Variants in CDH18 observed in about 807,000 individuals in gnomAD.
CDH18 encodes cadherin 18.
Under a neutral mutation model 67.9 loss-of-function variants are expected in CDH18, and 31 were observed. The observed-to-expected ratio is 0.46, with a 90% CI of 0.34 to 0.62. The LOEUF is 0.62. CDH18 is among the 20% of genes least tolerant of loss of function. The probability of loss-of-function intolerance (pLI) is 0.01; values close to 1 mark genes in which losing one functional copy is unlikely to be tolerated. For synonymous variants in CDH18, 362 were observed against 347.2 expected, an observed-to-expected ratio of 1.04 and a Z score of -0.48; for missense variants, 890 against 975.5, an observed-to-expected ratio of 0.91 and a Z score of 1.17.
At chr5:20,119,013 A>C (rs1402145995) in intron 2 of CDH18, among the ~76,000 whole-genome samples, 2 of 152,126 alleles carry the variant, frequency 1.3e-5, no homozygotes, top group Non-Finnish European at 2.9e-5. Flanking sequence ...GCACAATTAT[A>C]CTTTATATAT....
At chr5:20,250,874 G>A (rs936613369) in intron 2 of CDH18, among the ~76,000 whole-genome samples, 2 of 152,044 alleles carry the variant, frequency 1.3e-5, no homozygotes, top group African/African-American at 2.4e-5. Context: ...CCAAAGTGCT[G>A]GGATTACAGG....
At chr5:19,662,231 C>A (rs539306629) in intron 5 of CDH18, among the ~76,000 whole-genome samples, 2 of 151,402 alleles carry the variant, frequency 1.3e-5, no homozygotes, top group Non-Finnish European at 2.9e-5. Context: ...ATTTTACTTG[C>A]GTCCCATTTT....
At chr5:19,847,765 A>C (rs1475157157) in intron 2 of CDH18, among the ~76,000 whole-genome samples, 2 of 138,250 alleles carry the variant, frequency 1.4e-5, no homozygotes, top group East Asian at 4.4e-4. Context: ...TCCGCAGATC[A>C]CTCAAACTTT....
chr5:19,798,863 G>A (rs537614385), intron 3 of CDH18, among the ~76,000 whole-genome samples: 23 of 151,970 alleles, frequency 1.5e-4, no homozygotes, highest in Admixed American at 5.2e-4. Flanking sequence ...AAATTGGGTG[G>A]AATATTTCAT....
intron 2 of CDH18, among the ~76,000 whole-genome samples, chr5:19,969,254 A>G (rs1797785524): frequency 7.1e-6 from 1 of 141,424 alleles, no homozygotes; most frequent in Non-Finnish European, 1.5e-5. Context: ...TGGGACTGTA[A>G]ACGAGTTCAA....
intron 4 of CDH18, among the ~76,000 whole-genome samples, chr5:19,724,379 T>C (rs1408054964): frequency 6.6e-6 from 1 of 152,066 alleles, no homozygotes; most frequent in Non-Finnish European, 1.5e-5. Context: ...AGCAAGGAAG[T>C]TTGGTATAGC....
At chr5:20,015,013 A>G (rs1240266057) in intron 2 of CDH18, among the ~76,000 whole-genome samples, 1 of 152,142 alleles carries the variant, frequency 6.6e-6, no homozygotes, top group Non-Finnish European at 1.5e-5. Context: ...GATTAAATGA[A>G]AGGACATATA....
chr5:19,534,572 A>G (rs1396644372), intron 9 of CDH18, among the ~76,000 whole-genome samples: 1 of 152,180 alleles, frequency 6.6e-6, no homozygotes, highest in Non-Finnish European at 1.5e-5. Context: ...TATACACTTT[A>G]CAGATACATG....
intron 3 of CDH18, among the ~76,000 whole-genome samples, chr5:19,821,872 A>C (rs1779912727): frequency 6.6e-6 from 1 of 152,302 alleles, no homozygotes; most frequent in Middle Eastern, 3.4e-3. Flanking sequence ...TAAGCTTCAT[A>C]AGTAAAGAAG....
At chr5:19,493,537 GGTGT>G (rs67879363) in intron 11 of CDH18, among the ~76,000 whole-genome samples, 41,032 of 147,890 alleles carry the variant, frequency 0.28, 5,660 homozygotes, top group South Asian at 0.36. Flanking sequence ...AGGGAATTGG[GGTGT>G]GTGTGTGTGT....
chr5:19,502,756 T>G (rs1379436840), intron 11 of CDH18: 1 of 514,336 alleles, frequency 1.9e-6, no homozygotes, highest in South Asian at 3.2e-5. Flanking sequence ...CCCAAGAGCA[T>G]ATTACATGTA....
At chr5:19,526,742 T>C (rs907024048) in intron 9 of CDH18, among the ~76,000 whole-genome samples, 1 of 152,064 alleles carries the variant, frequency 6.6e-6, no homozygotes, top group East Asian at 1.9e-4. Context: ...TGATTATTCA[T>C]ATTCGAAAAT....
intron 2 of CDH18, among the ~76,000 whole-genome samples, chr5:19,842,106 T>C (rs1406457927): frequency 6.6e-6 from 1 of 152,206 alleles, no homozygotes; most frequent in Non-Finnish European, 1.5e-5. Context: ...TTGAGACCAA[T>C]ACAATAGAAA....
intron 2 of CDH18, among the ~76,000 whole-genome samples, chr5:19,840,512 G>A (rs951724234): frequency 6.6e-6 from 1 of 152,094 alleles, no homozygotes; most frequent in Admixed American, 6.5e-5. Flanking sequence ...AGGCCAGCCT[G>A]TCCAACATGG....
chr5:20,131,988 A>G (rs1435058076), intron 2 of CDH18, among the ~76,000 whole-genome samples: 2 of 152,026 alleles, frequency 1.3e-5, no homozygotes, highest in African/African-American at 4.8e-5. Context: ...CCCGGGTTCA[A>G]GCATTTCTGC....
At chr5:19,709,180 G>A (rs770632625) in intron 5 of CDH18, among the ~76,000 whole-genome samples, 1 of 151,978 alleles carries the variant, frequency 6.6e-6, no homozygotes, top group Non-Finnish European at 1.5e-5. Flanking sequence ...CACTCACCTG[G>A]CACTTACTTC....
chr5:19,944,528 C>G (rs1012047111), intron 2 of CDH18, among the ~76,000 whole-genome samples: 1 of 152,028 alleles, frequency 6.6e-6, no homozygotes, highest in Admixed American at 6.6e-5. Flanking sequence ...ATTGCACATG[C>G]CTGGAGAAAT....
At chr5:19,887,572 C>T (rs1265770679) in intron 2 of CDH18, among the ~76,000 whole-genome samples, 1 of 150,330 alleles carries the variant, frequency 6.7e-6, no homozygotes, top group Non-Finnish European at 1.5e-5. Flanking sequence ...CTGGGACTTG[C>T]TTTTTTTTTC....
chr5:19,957,545 A>G (rs1796372016), intron 2 of CDH18, among the ~76,000 whole-genome samples: 1 of 151,986 alleles, frequency 6.6e-6, no homozygotes, highest in Admixed American at 6.6e-5. Context: ...TATGACCAAA[A>G]TGTTTCTATT....
Sources: allele counts gnomAD v4.1 joint callset (sites outside exome capture counted in the v4.1 genomes callset), GRCh38; gene constraint gnomAD v4.1.1; transcripts MANE v1.5; gene names NCBI Gene and HGNC (gene_info 2026-07-23, HGNC 2026-07-21).